The following ANO4 variants were observed in gnomAD, a reference collection of about 807,000 sequenced individuals.
The protein encoded by ANO4 is anoctamin-4.
Under a neutral mutation model 141.9 loss-of-function variants are expected in ANO4, and 69 were observed. The ratio of observed to expected loss-of-function variants is 0.49; its 90% CI spans 0.40 to 0.59. The LOEUF (loss-of-function observed/expected upper bound fraction) is 0.59. ANO4 is among the 20% of genes least tolerant of loss of function. The pLI is 0.00. For synonymous variants in ANO4, 350 were observed against 394.3 expected, an observed-to-expected ratio of 0.89 and a Z score of 1.33; for missense variants, 894 against 1,162.2, an observed-to-expected ratio of 0.77 and a Z score of 3.36.
intron 9 of ANO4, among the ~76,000 whole-genome samples, chr12:101,036,479 A>G (rs2047202318): frequency 6.6e-6 from 1 of 152,200 alleles, no homozygotes; most frequent in South Asian, 2.1e-4. Flanking sequence ...GGATAAAGGA[A>G]TTGTGGTACA....
At chr12:100,803,217 CA>C (rs1378468710) in intron 1 of ANO4, among the ~76,000 whole-genome samples, 1 of 152,128 alleles carries the variant, frequency 6.6e-6, no homozygotes, top group East Asian at 1.9e-4. Flanking sequence ...TAGGGAACTC[CA>C]ACCCCGGGAG....
At chr12:100,806,406 A>G (rs971021463) in intron 1 of ANO4, among the ~76,000 whole-genome samples, 3 of 150,442 alleles carry the variant, frequency 2.0e-5, no homozygotes, top group African/African-American at 7.4e-5. Flanking sequence ...GCATCTTTTC[A>G]TGTGTTTACT....
rs928315818 is a variant in ANO4, at chr12:100,966,804, TAC to T, written c.457-4490_457-4489del. Among the ~76,000 whole-genome samples, 73 of 147,694 alleles carry T rather than the reference TAC, an allele frequency of 4.9e-4. 1 individual carries two copies. The highest frequency in any genetic ancestry group is 2.5e-3 in the Admixed American group (36 of 14,554). On this transcript the variant is annotated intron_variant, in intron 5 of 27. Transcript: ENST00000392977. ...ATATATACACACACATGTATATATA[TAC>T]ACACACACACATATATATATACACA...
In ANO4 at chr12:101,043,585, G is replaced by A; in HGVS notation, c.1201G>A (p.Asp401Asn). 6.2e-7 allele frequency: 1 copy of A among 1,613,844 alleles called. No homozygotes were observed. The highest frequency in any genetic ancestry group is 8.5e-7 in the Non-Finnish European group (1 of 1,179,862). The stretch of plus-strand genomic sequence containing the variant: ...AGATATCATCATGTGTCCTGTGTGT[G>A]ATAAATACTGTCCATTCATGAGGCT... ...ATDIIMCPVC[D>N]KYCPFMRLSD... Residue 401 changes from aspartate to asparagine, a missense_variant, in exon 13 of 28, where the codon GAT becomes AAT. Transcript: ENST00000392977.
chr12:100,821,467 A>G (rs1256340064), intron 1 of ANO4, among the ~76,000 whole-genome samples: 4 of 152,058 alleles, frequency 2.6e-5, no homozygotes, highest in Non-Finnish European at 5.9e-5. Flanking sequence ...AAAATGACTC[A>G]GTTCATTTTT....
At chr12:100,760,191 G>T (rs7966647) in intron 3 of ANO4, among the ~76,000 whole-genome samples, 35,233 of 152,080 alleles carry the variant, frequency 0.23, 4,782 homozygotes, top group East Asian at 0.54. Flanking sequence ...TTTAAAGAAG[G>T]TCATTTGGAG....
chr12:100,939,292 T>C, intron 3 of ANO4, 23 bp from the exon 4 acceptor site: 1 of 1,605,758 alleles, frequency 6.2e-7, no homozygotes, highest in Non-Finnish European at 8.5e-7. Flanking sequence ...ACCCACCTTA[T>C]AATGTATTTA....
chr12:100,989,286 T>A (rs1366991545), intron 8 of ANO4, among the ~76,000 whole-genome samples: 1 of 152,218 alleles, frequency 6.6e-6, no homozygotes, highest in Non-Finnish European at 1.5e-5. Flanking sequence ...GAGATCAGGG[T>A]GTTTTCTTAA....
At position 100,867,646 on chromosome 12, in the gene ANO4, G is replaced by A. The variant is rs377524367; in HGVS notation, c.-140-34000G>A. Among the ~76,000 whole-genome samples the A allele has an allele frequency of 1.8e-4, 27 of 151,672 alleles. No individual in the cohort carries two copies. The East Asian group carries it at 3.3e-3, about 19-fold the overall frequency. On this transcript the variant is annotated intron_variant, in intron 1 of 27. Coordinates refer to ENST00000392977, the MANE Select transcript of ANO4 (RefSeq NM_001286615.2). ...CACACACACACACACTCAGAATGAC[G>A]TTTAACCAAATATATGGACACCCCA...
At chr12:101,064,702 T>C (rs992900082) in intron 14 of ANO4, among the ~76,000 whole-genome samples, 1 of 142,960 alleles carries the variant, frequency 7.0e-6, no homozygotes, top group Non-Finnish European at 1.5e-5. Flanking sequence ...TAATAAAAGA[T>C]TAGTAGTTCC....
chr12:100,840,024 C>T (rs1430997921), intron 1 of ANO4, among the ~76,000 whole-genome samples: 1 of 152,000 alleles, frequency 6.6e-6, no homozygotes, highest in Non-Finnish European at 1.5e-5. Context: ...TCAGATGCTG[C>T]TGAGGCTGTG....
chr12:101,004,487 C>G (rs1014443632), intron 8 of ANO4, among the ~76,000 whole-genome samples: 2 of 152,144 alleles, frequency 1.3e-5, no homozygotes, highest in Non-Finnish European at 2.9e-5. Flanking sequence ...CAAGAAGGAC[C>G]AAGGTCCTTT....
At chr12:100,938,510 AAAAAGTGAACTGC>A (rs1442438422) in intron 3 of ANO4, among the ~76,000 whole-genome samples, 3 of 152,266 alleles carry the variant, frequency 2.0e-5, no homozygotes, top group Non-Finnish European at 2.9e-5. Flanking sequence ...GCATCAAAAG[AAAAAGTGAACTGC>A]AATGCTGGCC....
intron 1 of ANO4, among the ~76,000 whole-genome samples, chr12:100,841,597 T>C (rs1249148892): frequency 6.6e-6 from 1 of 152,024 alleles, no homozygotes; most frequent in African/African-American, 2.4e-5. Flanking sequence ...CATTTGACAG[T>C]CCTAAATAAA....
At chr12:100,804,467 G>A (rs1020148131) in intron 1 of ANO4, among the ~76,000 whole-genome samples, 7 of 152,106 alleles carry the variant, frequency 4.6e-5, no homozygotes, top group African/African-American at 1.4e-4. Context: ...GTATATACCC[G>A]GTAATGGGAT....
intron 22 of ANO4, among the ~76,000 whole-genome samples, chr12:101,103,185 A>C (rs1332437744): frequency 1.1e-3 from 7 of 6,438 alleles, no homozygotes; most frequent in African/African-American, 4.1e-3. Flanking sequence ...TAGTCATTTT[A>C]TATATATATA....
At chr12:101,054,285 T>G (rs1484702771) in intron 14 of ANO4, among the ~76,000 whole-genome samples, 1 of 152,174 alleles carries the variant, frequency 6.6e-6, no homozygotes, top group Admixed American at 6.5e-5. Context: ...AAAACACGAT[T>G]TTGAGTATAT....
intron 1 of ANO4, among the ~76,000 whole-genome samples, chr12:100,874,357 G>T (rs1310560869): frequency 2.6e-5 from 4 of 152,162 alleles, no homozygotes; most frequent in Non-Finnish European, 5.9e-5. Flanking sequence ...AAAGCTGCAG[G>T]CAATCTATAC....
At position 100,939,439 on chromosome 12, in the gene ANO4, A is replaced by T; in HGVS notation, c.285A>T (p.Glu95Asp). ...TSTSDDASRLEAGGETVPERN... is the reference protein window; with the variant it reads ...TSTSDDASRLDAGGETVPERN... Reference sequence around the variant, plus strand: ...CTTCAGATGATGCCAGCAGATTGGAAGCCGGGGGAGAGGTAAGAGTATATG... The same window carrying T: ...CTTCAGATGATGCCAGCAGATTGGATGCCGGGGGAGAGGTAAGAGTATATG... The change falls in exon 4 of 28, where the codon GAA becomes GAT. Residue 95 changes from glutamate to aspartate, a missense_variant. Glu to Asp is a conservative substitution (Grantham distance 45). This residue lies in a region of ANO4 where 257 missense variants were observed against 253.0 expected (regional missense o/e 1.02). Transcript: ENST00000392977. 1 of 1,613,536 alleles carries T rather than the reference A, an allele frequency of 6.2e-7. No homozygotes were observed. Among genetic ancestry groups the T allele is most frequent in the Non-Finnish European group, 8.5e-7 (1 of 1,179,590 alleles).
Sources: gnomAD v4.1 joint callset for allele counts (sites outside exome capture counted in the v4.1 genomes callset) on GRCh38, gnomAD v4.1.1 for gene constraint, gnomAD v4.1.1 regional missense constraint, MANE v1.5 for transcripts, NCBI Gene and HGNC (gene_info 2026-07-23, HGNC 2026-07-21) for gene names.